The following TTC12 variants were observed in gnomAD, a reference collection of about 807,000 sequenced individuals.
The protein encoded by TTC12 is tetratricopeptide repeat domain 12, also known as tetratricopeptide repeat protein 12.
A neutral mutation model predicts 90.1 loss-of-function variants in TTC12; 70 were observed. The ratio of observed to expected loss-of-function variants is 0.78; its 90% confidence interval spans 0.64 to 0.95. The LOEUF (loss-of-function observed/expected upper bound fraction) is 0.95. Among genes scored for constraint, TTC12 ranks in the 40% least tolerant of loss-of-function variants. The pLI, the probability that TTC12 is intolerant of heterozygous loss-of-function variation, is 0.00. For missense variants in TTC12, 819 were observed against 846.1 expected, an observed-to-expected ratio of 0.97 and a Z score of 0.40; for synonymous variants, 296 against 311.5, an observed-to-expected ratio of 0.95 and a Z score of 0.53.
chr11:113,367,165 T>C (rs781103783), downstream of TTC12, among the ~76,000 whole-genome samples: 5 of 152,206 alleles, frequency 3.3e-5, no homozygotes, highest in African/African-American at 9.6e-5. Flanking sequence ...GCATTATCTC[T>C]GGCTCCTTAC....
intron 14 of TTC12, 28 bp from the exon 15 acceptor site, chr11:113,351,211 T>C: frequency 1.2e-6 from 2 of 1,610,210 alleles, no homozygotes; most frequent in Non-Finnish European, 1.7e-6. Flanking sequence ...AATGTAAAAA[T>C]AAATCCTGGC....
At chr11:113,332,882 G>A (rs1318445040) in intron 7 of TTC12, among the ~76,000 whole-genome samples, 2 of 152,152 alleles carry the variant, frequency 1.3e-5, no homozygotes, top group African/African-American at 2.4e-5. Context: ...ATCTAGGCCC[G>A]TGGTTTTGAC....
At chr11:113,336,995 C>T (rs1190109958) in intron 8 of TTC12, among the ~76,000 whole-genome samples, 2 of 152,138 alleles carry the variant, frequency 1.3e-5, no homozygotes, top group African/African-American at 4.8e-5. Flanking sequence ...GATGTCTTCC[C>T]ATTTATAAGA....
intron 3 of TTC12, 29 bp downstream of exon 3, chr11:113,323,480 A>T: frequency 6.7e-7 from 1 of 1,487,406 alleles, no homozygotes; most frequent in Admixed American, 2.2e-5. Flanking sequence ...AAGTTATATA[A>T]GTACTTACAG....
chr11:113,314,649 C>G (rs1232949580), intron 1 of TTC12, 31 bp downstream of exon 1: 5 of 152,952 alleles, frequency 3.3e-5, no homozygotes, highest in Admixed American at 2.6e-4. Context: ...CGGAATCCCC[C>G]CTGGGAGCTG....
intron 16 of TTC12, among the ~76,000 whole-genome samples, chr11:113,352,774 G>A (rs1555150854): frequency 6.6e-6 from 1 of 152,124 alleles, no homozygotes; most frequent in Non-Finnish European, 1.5e-5. Context: ...TTCTGCAAAG[G>A]ACATAATCTC....
intron 13 of TTC12, among the ~76,000 whole-genome samples, chr11:113,347,568 C>T (rs1949039550): frequency 6.6e-6 from 1 of 152,178 alleles, no homozygotes; most frequent in Non-Finnish European, 1.5e-5. Flanking sequence ...TTACACTGTG[C>T]ACAAGTTGCC....
At chr11:113,329,180 T>C (rs1555141919) in intron 6 of TTC12, among the ~76,000 whole-genome samples, 1 of 152,230 alleles carries the variant, frequency 6.6e-6, no homozygotes, top group Non-Finnish European at 1.5e-5. Flanking sequence ...TGGTAACATA[T>C]TTAACCTTCT....
In TTC12 at chr11:113,360,555, C is replaced by T. The variant is rs1949871308; in HGVS notation, c.1614+547C>T. Reference sequence around the variant, plus strand: ...TTTGAATAAGAAAACTGAGAAAGGCCTATATGTTAGCACAGTGCATCAGGA... The same window carrying T: ...TTTGAATAAGAAAACTGAGAAAGGCTTATATGTTAGCACAGTGCATCAGGA... On this transcript the variant is annotated intron_variant, in intron 18 of 21. Coordinates refer to ENST00000529221, the MANE Select transcript of TTC12 (RefSeq NM_017868.4). Among the ~76,000 whole-genome samples, 4 of 152,202 alleles carry T rather than the reference C, an allele frequency of 2.6e-5. No individual in the cohort carries two copies. In the South Asian group the frequency reaches 8.3e-4, roughly 32 times the overall value.
At chr11:113,347,105 T>C (rs1949013380) in intron 13 of TTC12, among the ~76,000 whole-genome samples, 1 of 152,238 alleles carries the variant, frequency 6.6e-6, no homozygotes, top group Admixed American at 6.5e-5. Flanking sequence ...AAGATGGTCT[T>C]AGACTGTTGT....
intron 6 of TTC12, among the ~76,000 whole-genome samples, chr11:113,329,113 G>T (rs1308991660): frequency 2.0e-5 from 3 of 152,128 alleles, no homozygotes; most frequent in African/African-American, 7.2e-5. Context: ...CATTTGTATG[G>T]ATGTATATTT....
chr11:113,341,621 C>T, intron 11 of TTC12: 1 of 549,462 alleles, frequency 1.8e-6, no homozygotes, highest in South Asian at 2.0e-5. Flanking sequence ...TGGCTCACTG[C>T]CCAGCCTCTG....
chr11:113,325,811 C>T, intron 6 of TTC12, 166 bp downstream of exon 6: 3 of 803,754 alleles, frequency 3.7e-6, no homozygotes, highest in Non-Finnish European at 5.7e-6. Context: ...TTACCAGTTT[C>T]CATGATGCAA....
Position 113,350,055 on chromosome 11 carries a change from T to A in TTC12, c.1155-18T>A. 1.2e-6 allele frequency: 2 copies of A among 1,605,446 alleles called. No individual in the cohort carries two copies. The highest frequency in any genetic ancestry group is 1.7e-6 in the Non-Finnish European group (2 of 1,172,246). On this transcript the variant is annotated intron_variant, in intron 13 of 21. Transcript: ENST00000529221. ...GTTGGAGGACAGCTACCTCTGAGGTTATTATGGTTTTTTGCAGATTATTGG... is the reference window on the plus strand; with the variant it reads ...GTTGGAGGACAGCTACCTCTGAGGTAATTATGGTTTTTTGCAGATTATTGG...
At chr11:113,358,436 G>A (rs903939068) in intron 16 of TTC12, among the ~76,000 whole-genome samples, 13 of 152,170 alleles carry the variant, frequency 8.5e-5, no homozygotes, top group African/African-American at 2.7e-4. Context: ...AGAAGCTATG[G>A]TGTGGGCCCC....
Position 113,352,250 on chromosome 11 carries a change from G to A in TTC12, c.1446+43G>A, listed in dbSNP as rs1555150664. 5 of 1,612,898 alleles carry A rather than the reference G, an allele frequency of 3.1e-6. No individual in the cohort carries two copies. In the African/African-American group the frequency reaches 4.0e-5, roughly 13 times the overall value. On this transcript the variant is annotated intron_variant, in intron 16 of 21. Coordinates refer to ENST00000529221, the MANE Select transcript of TTC12 (RefSeq NM_017868.4). ...TTCAAAATTGGTCTTTATCCTCTTT[G>A]GGGGCATTAGCGTCTTCTTAGTTAT...
chr11:113,325,389 A>C, intron 5 of TTC12, 135 bp from the exon 6 acceptor site: 1 of 1,014,920 alleles, frequency 9.9e-7, no homozygotes. Context: ...CTGCAGAAAA[A>C]AACAAGTGTC....
Position 113,351,108 on chromosome 11 carries a change from G to A in TTC12, c.1248-131G>A, listed in dbSNP as rs1173711317. Reference sequence around the variant, plus strand: ...AGTGACATGCTTTTTTCTTTTTTTGGTTCTGAATTGTCCATGCACACTCTA... The same window carrying A: ...AGTGACATGCTTTTTTCTTTTTTTGATTCTGAATTGTCCATGCACACTCTA... On this transcript the variant is annotated intron_variant, in intron 14 of 21. Coordinates refer to ENST00000529221, the MANE Select transcript of TTC12 (RefSeq NM_017868.4). 28 of 710,820 alleles carry A rather than the reference G, an allele frequency of 3.9e-5. No individual in the cohort carries two copies. The Admixed American group carries it at 7.6e-4, about 19-fold the overall frequency. 44.0% of individuals were successfully genotyped at this position (710,820 alleles called of 1,614,324 possible).
At chr11:113,347,036 A>G (rs1949009138) in intron 13 of TTC12, among the ~76,000 whole-genome samples, 1 of 152,268 alleles carries the variant, frequency 6.6e-6, no homozygotes, top group Middle Eastern at 3.4e-3. Flanking sequence ...TCCAGTTAGG[A>G]TGTGTGCATT....
Sources: gnomAD v4.1 joint callset for allele counts (sites outside exome capture counted in the v4.1 genomes callset) on GRCh38, gnomAD v4.1.1 for gene constraint, MANE v1.5 for transcripts, NCBI Gene and HGNC (gene_info 2026-07-23, HGNC 2026-07-21) for gene names.